PDE10A: variants seen among roughly 807,000 people sequenced by gnomAD.
PDE10A encodes phosphodiesterase 10A, also known as cAMP and cAMP-inhibited cGMP 3',5'-cyclic phosphodiesterase 10A.
A neutral mutation model predicts 97.7 loss-of-function variants in PDE10A; 39 were observed. The ratio of observed to expected loss-of-function variants is 0.40; its 90% CI spans 0.31 to 0.52. The LOEUF (loss-of-function observed/expected upper bound fraction) is 0.52, where lower values mean the gene tolerates loss of function less well. PDE10A is among the 20% of genes least tolerant of loss of function. PDE10A has a pLI of 0.56. For missense variants in PDE10A, 731 were observed against 1,047.8 expected (o/e 0.70, Z 4.17); for synonymous variants, 371 against 376.8 (o/e 0.98, Z 0.18).
intron 1 of PDE10A, among the ~76,000 whole-genome samples, chr6:165,807,518 G>T (rs1488828312): frequency 6.6e-6 from 1 of 152,162 alleles, no homozygotes; most frequent in Non-Finnish European, 1.5e-5. Context: ...CAGTAGAAAG[G>T]GAAGGTTGAG....
At chr6:165,493,299 TACC>T (rs2128289182) in intron 2 of PDE10A, among the ~76,000 whole-genome samples, 2 of 152,122 alleles carry the variant, frequency 1.3e-5, no homozygotes, top group African/African-American at 4.8e-5. Context: ...CCCATCAAAA[TACC>T]ACCATCATTC....
At chr6:165,707,000 C>T (rs922405535) in intron 1 of PDE10A, among the ~76,000 whole-genome samples, 4 of 152,124 alleles carry the variant, frequency 2.6e-5, no homozygotes, top group Non-Finnish European at 5.9e-5. Flanking sequence ...GTAAGCCTGT[C>T]TAAGAATGCT....
chr6:165,751,766 ACCATC>A (rs1337360834), intron 1 of PDE10A, among the ~76,000 whole-genome samples: 1 of 152,186 alleles, frequency 6.6e-6, no homozygotes, highest in African/African-American at 2.4e-5. Flanking sequence ...CTCGGAAGTT[ACCATC>A]CCTTTCCTAG....
intron 1 of PDE10A, among the ~76,000 whole-genome samples, chr6:165,828,760 G>A (rs1213609653): frequency 6.6e-6 from 1 of 152,144 alleles, no homozygotes; most frequent in Non-Finnish European, 1.5e-5. Flanking sequence ...GCCCACTGCG[G>A]GCAGTGGAGG....
At chr6:165,355,553 G>A (rs991924953) in intron 18 of PDE10A, among the ~76,000 whole-genome samples, 1 of 152,164 alleles carries the variant, frequency 6.6e-6, no homozygotes, top group African/African-American at 2.4e-5. Flanking sequence ...TTGCTGAATA[G>A]TACAGTATTC....
chr6:165,647,856 A>C (rs559173764), intron 1 of PDE10A, among the ~76,000 whole-genome samples: 1 of 152,318 alleles, frequency 6.6e-6, no homozygotes, highest in South Asian at 2.1e-4. Context: ...GCACTATTGC[A>C]AACACTTGCT....
At chr6:165,352,596 G>A (rs1303372756) in intron 18 of PDE10A, among the ~76,000 whole-genome samples, 1 of 151,476 alleles carries the variant, frequency 6.6e-6, no homozygotes, top group Non-Finnish European at 1.5e-5. Flanking sequence ...CATTTTAAAA[G>A]TTATAGTTCC....
intron 18 of PDE10A, among the ~76,000 whole-genome samples, chr6:165,346,267 A>G (rs1782301891): frequency 6.6e-6 from 1 of 152,116 alleles, no homozygotes; most frequent in Non-Finnish European, 1.5e-5. Flanking sequence ...AGTTCAGATG[A>G]GAGGTGAGGG....
Position 165,379,276 on chromosome 6 carries a change from G to C in PDE10A, c.2701C>G (p.Leu901Val), listed in dbSNP as rs528445665. ...TTCCTGTTTCCAAAGTATAAAGCAA[G>C]GTCTGTGGCAATGATGGCTTTGCGG... ...IIRKAIIATDLALYFGNRKQL... is the reference protein window; with the variant it reads ...IIRKAIIATDVALYFGNRKQL... The change falls in exon 18 of 22, where the codon CTT becomes GTT. Residue 901 changes from leucine (L) to valine (V), a missense_variant. Transcript: ENST00000539869. 1.2e-6 allele frequency: 2 copies of C among 1,613,572 alleles called. No homozygotes were observed. The highest frequency in any genetic ancestry group is 2.2e-5 in the East Asian group (1 of 44,862).
intron 19 of PDE10A, among the ~76,000 whole-genome samples, chr6:165,341,598 TC>T (rs1382227934): frequency 3.9e-5 from 6 of 152,292 alleles, no homozygotes; most frequent in Admixed American, 3.3e-4. Context: ...TTTGCAACGA[TC>T]CTTACACGGG....
At position 165,553,895 on chromosome 6, in the gene PDE10A, AC is replaced by A. The variant is rs1021687640; in HGVS notation, c.866-10328del. Among the ~76,000 whole-genome samples the A allele has an allele frequency of 4.6e-4, 70 of 152,258 alleles. 1 individual carries two copies. Among genetic ancestry groups the A allele is most frequent in the Non-Finnish European group, 1.3e-4 (9 of 68,014 alleles). On this transcript the variant is annotated intron_variant, in intron 1 of 21. Transcript: ENST00000539869. ...AGTAAGCTTAAACCCACCAAAATTT[AC>A]CCTTTCTGTGACTCAGAAAACCAAT...
In PDE10A at chr6:165,707,677, G is replaced by A. The variant is rs143235987; in HGVS notation, c.-614-164109C>T. Among the ~76,000 whole-genome samples the A allele has an allele frequency of 4.5e-3, 681 of 151,950 alleles. 1 individual carries two copies. Among genetic ancestry groups the A allele is most frequent in the Non-Finnish European group, 7.0e-3 (476 of 67,918 alleles). On this transcript the variant is annotated intron_variant, in intron 1 of 19. Transcript: ENST00000366882. ...TATATGTGAGCGTGTGTGTGTAAGC[G>A]TATGTGAGCATGTGTGTGAGTGTGT...
intron 10 of PDE10A, among the ~76,000 whole-genome samples, chr6:165,419,485 C>T: frequency 6.6e-6 from 1 of 152,142 alleles, no homozygotes; most frequent in East Asian, 1.9e-4. Flanking sequence ...TAACTTGCCC[C>T]ATTATTACAT....
At chr6:165,676,310 A>T (rs190004235) in intron 1 of PDE10A, among the ~76,000 whole-genome samples, 71 of 152,336 alleles carry the variant, frequency 4.7e-4, no homozygotes, top group African/African-American at 1.6e-3. Context: ...TGGCCACACT[A>T]AAGTCCAGAC....
At chr6:165,665,038 A>G (rs111290031), upstream of PDE10A, among the ~76,000 whole-genome samples, 1,586 of 152,154 alleles carry the variant, frequency 0.01, 34 homozygotes, top group African/African-American at 0.036. Context: ...CCCAGAATCA[A>G]CCTCCTGTTT....
At chr6:165,703,674 C>A (rs1004778652) in intron 1 of PDE10A, among the ~76,000 whole-genome samples, 1 of 152,202 alleles carries the variant, frequency 6.6e-6, no homozygotes, top group African/African-American at 2.4e-5. Context: ...CAGATTTATT[C>A]CAAAGATTGC....
chr6:165,501,885 A>G (rs1780911985), intron 2 of PDE10A, among the ~76,000 whole-genome samples: 1 of 152,260 alleles, frequency 6.6e-6, no homozygotes, highest in Non-Finnish European at 1.5e-5. Context: ...GTTATGCTAC[A>G]TTCCAAGACT....
At chr6:165,561,335 C>G (rs1280383973) in intron 1 of PDE10A, among the ~76,000 whole-genome samples, 1 of 152,150 alleles carries the variant, frequency 6.6e-6, no homozygotes, top group African/African-American at 2.4e-5. Context: ...CTGAGGCTGA[C>G]CAGCCATGCT....
At chr6:165,513,316 T>C (rs1781610107) in intron 2 of PDE10A, among the ~76,000 whole-genome samples, 1 of 152,116 alleles carries the variant, frequency 6.6e-6, no homozygotes, top group Non-Finnish European at 1.5e-5. Context: ...AAATCAGTTG[T>C]TTTGGCATCT....
Sources: gnomAD v4.1 joint callset for allele counts (sites outside exome capture counted in the v4.1 genomes callset) on GRCh38, gnomAD v4.1.1 for gene constraint, MANE v1.5 for transcripts, NCBI Gene and HGNC (gene_info 2026-07-23, HGNC 2026-07-21) for gene names.